Variants in GABRG3 observed in about 807,000 individuals in gnomAD.
The protein encoded by GABRG3 is gamma-aminobutyric acid type A receptor subunit gamma3.
A neutral mutation model predicts 48.8 loss-of-function variants in GABRG3; 25 were observed. That is an observed-to-expected ratio of 0.51 (90% confidence interval 0.37 to 0.72). The LOEUF is 0.72. GABRG3 is among the 30% of genes least tolerant of loss of function. The probability of loss-of-function intolerance (pLI) is 0.00; values close to 1 mark genes in which losing one functional copy is unlikely to be tolerated. For missense variants in GABRG3, 394 were observed against 577.9 expected (o/e 0.68, Z 3.26); for synonymous variants, 227 against 217.6 (o/e 1.04, Z -0.38).
intron 9 of GABRG3, among the ~76,000 whole-genome samples, chr15:27,531,323 A>AC (rs1177181663): frequency 1.3e-5 from 2 of 151,964 alleles, no homozygotes; most frequent in African/African-American, 4.8e-5. Flanking sequence ...CAACACTTCC[A>AC]CCCCTCCCCG....
At chr15:27,414,793 G>C (rs550985360) in intron 5 of GABRG3, among the ~76,000 whole-genome samples, 1 of 152,052 alleles carries the variant, frequency 6.6e-6, no homozygotes. Context: ...TTGCTTTATC[G>C]TCATTTTCCT....
At chr15:27,249,336 C>T (rs547093014) in intron 3 of GABRG3, among the ~76,000 whole-genome samples, 15 of 152,290 alleles carry the variant, frequency 9.8e-5, no homozygotes, top group African/African-American at 3.6e-4. Context: ...CCCAGAAGCC[C>T]CCAGATTTCC....
chr15:27,440,134 C>A (rs1273986255), intron 5 of GABRG3, among the ~76,000 whole-genome samples: 2 of 152,164 alleles, frequency 1.3e-5, no homozygotes, highest in South Asian at 2.1e-4. Flanking sequence ...GCCCTGCCAC[C>A]CTTTCCCCCA....
intron 3 of GABRG3, among the ~76,000 whole-genome samples, chr15:27,183,808 A>G (rs1194571671): frequency 6.6e-6 from 1 of 152,184 alleles, no homozygotes; most frequent in African/African-American, 2.4e-5. Flanking sequence ...TTTAATATAT[A>G]TTTAATCTAT....
chr15:27,294,234 T>C (rs1891900666), intron 3 of GABRG3, among the ~76,000 whole-genome samples: 1 of 150,200 alleles, frequency 6.7e-6, no homozygotes, highest in Non-Finnish European at 1.5e-5. Flanking sequence ...TTTTTTTTTT[T>C]TTTTTTTTGA....
chr15:27,493,427 T>C (rs980793962), intron 6 of GABRG3, among the ~76,000 whole-genome samples: 3 of 152,184 alleles, frequency 2.0e-5, no homozygotes, highest in African/African-American at 7.2e-5. Context: ...TAGACCAGTA[T>C]GCAGATAGAA....
At chr15:27,128,624 CTG>C (rs1897863099) in intron 3 of GABRG3, among the ~76,000 whole-genome samples, 1 of 152,180 alleles carries the variant, frequency 6.6e-6, no homozygotes, top group African/African-American at 2.4e-5. Flanking sequence ...AAGTGCAACA[CTG>C]AGCATTTGTA....
At chr15:27,044,855 T>C (rs1896335907) in intron 3 of GABRG3, among the ~76,000 whole-genome samples, 1 of 152,236 alleles carries the variant, frequency 6.6e-6, no homozygotes, top group Admixed American at 6.5e-5. Context: ...GCGGCTGTGA[T>C]TGGCTGAGAC....
chr15:27,313,258 GTGTGTATATATATATATA>G (rs1201224919), intron 3 of GABRG3, among the ~76,000 whole-genome samples: 19 of 53,038 alleles, frequency 3.6e-4, no homozygotes, highest in Middle Eastern at 7.9e-3. Context: ...GTGTGTGTGT[GTGTGTATATATATATATA>G]TATATATATA....
rs1555388875 is a variant in GABRG3, at chr15:27,520,643, C to CTTTTTTTTTTTTTTTTTTTTTTTT, written c.865+521_865+522insTTTTTTTTTTTTTTTTTTTTTTTT. On this transcript the variant is annotated intron_variant, in intron 7 of 9. Transcript: ENST00000615808. ...TGAATTTTTCTCTGGTTCCCAAAAT[C>CTTTTTTTTTTTTTTTTTTTTTTTT]TTCTTAATAAAACACTAACTTTCAG... Among the ~76,000 whole-genome samples, 606 of 123,468 alleles carry CTTTTTTTTTTTTTTTTTTTTTTTT rather than the reference C, an allele frequency of 4.9e-3. 14 individuals carry two copies. Among genetic ancestry groups the CTTTTTTTTTTTTTTTTTTTTTTTT allele is most frequent in the East Asian group, 7.9e-3 (31 of 3,928 alleles). 81.0% of individuals were successfully genotyped at this position (123,468 alleles called of 152,430 possible).
intron 3 of GABRG3, among the ~76,000 whole-genome samples, chr15:27,047,593 C>T (rs1387528239): frequency 1.3e-5 from 2 of 152,176 alleles, no homozygotes; most frequent in Non-Finnish European, 2.9e-5. Flanking sequence ...ATTTTTAATA[C>T]TTGAGAAATA....
intron 3 of GABRG3, among the ~76,000 whole-genome samples, chr15:27,053,062 A>G (rs55638019): frequency 0.024 from 3,615 of 152,324 alleles, 156 homozygotes; most frequent in African/African-American, 0.082. Flanking sequence ...ACAAAATCCT[A>G]GAAGAAAACC....
intron 3 of GABRG3, among the ~76,000 whole-genome samples, chr15:27,312,802 A>AG (rs1893040050): frequency 1.3e-5 from 2 of 152,128 alleles, no homozygotes; most frequent in Non-Finnish European, 2.9e-5. Flanking sequence ...AAAAGACACT[A>AG]AACAGCAACA....
chr15:27,031,356 G>A (rs1896083260), intron 3 of GABRG3, among the ~76,000 whole-genome samples: 1 of 152,108 alleles, frequency 6.6e-6, no homozygotes, highest in South Asian at 2.1e-4. Context: ...GGCAACCACT[G>A]ATATTTTTAC....
At chr15:27,004,886 G>C (rs909745693) in intron 2 of GABRG3, among the ~76,000 whole-genome samples, 2 of 152,148 alleles carry the variant, frequency 1.3e-5, no homozygotes, top group African/African-American at 4.8e-5. Context: ...TTGTGAGCGG[G>C]AGTCAGCTGG....
At chr15:27,505,086 A>G (rs1391676383) in intron 6 of GABRG3, among the ~76,000 whole-genome samples, 2 of 152,166 alleles carry the variant, frequency 1.3e-5, no homozygotes, top group Non-Finnish European at 2.9e-5. Context: ...TATTGATACC[A>G]CGTTGCTTTT....
chr15:27,067,444 A>C (rs1307822135), intron 3 of GABRG3, among the ~76,000 whole-genome samples: 1 of 152,166 alleles, frequency 6.6e-6, no homozygotes, highest in East Asian at 1.9e-4. Context: ...TCCGGAGAAC[A>C]TGGAATCACC....
intron 5 of GABRG3, among the ~76,000 whole-genome samples, chr15:27,382,625 C>A (rs975113739): frequency 6.6e-6 from 1 of 152,056 alleles, no homozygotes; most frequent in African/African-American, 2.4e-5. Flanking sequence ...GGGAGGAGAA[C>A]GAGAGTACAT....
At chr15:27,467,498 G>A (rs74006954) in intron 5 of GABRG3, among the ~76,000 whole-genome samples, 15,080 of 152,266 alleles carry the variant, frequency 0.099, 1,342 homozygotes, top group African/African-American at 0.24. Context: ...TAATGGGATC[G>A]TAGTCTTACA....
Sources: allele counts gnomAD v4.1 joint callset (sites outside exome capture counted in the v4.1 genomes callset), GRCh38; gene constraint gnomAD v4.1.1; transcripts MANE v1.5; gene names NCBI Gene and HGNC (gene_info 2026-07-23, HGNC 2026-07-21).